The following LHFPL6 variants were observed in gnomAD, a reference collection of about 807,000 sequenced individuals.
LHFPL6 encodes LHFPL tetraspan subfamily member 6 protein.
A neutral mutation model predicts 20.6 loss-of-function variants in LHFPL6; 9 were observed. The ratio of observed to expected loss-of-function variants is 0.44; its 90% CI spans 0.26 to 0.76. The LOEUF is 0.76. Among genes scored for constraint, LHFPL6 ranks in the 30% least tolerant of loss-of-function variants. The pLI, the probability that LHFPL6 is intolerant of heterozygous loss-of-function variation, is 0.20. For missense variants in LHFPL6, 218 were observed against 253.5 expected (o/e 0.86, Z 0.95); for synonymous variants, 105 against 98.7 (o/e 1.06, Z -0.38).
chr13:39,514,510 C>A (rs1295479329), intron 2 of LHFPL6, among the ~76,000 whole-genome samples: 1 of 152,210 alleles, frequency 6.6e-6, no homozygotes, highest in Non-Finnish European at 1.5e-5. Flanking sequence ...TCATTCTGAT[C>A]CAGTCACGAA....
In LHFPL6 at chr13:39,487,093, A is replaced by T. The variant is rs1593332065; in HGVS notation, c.386-108567T>A. On this transcript the variant is annotated intron_variant, in intron 2 of 3. Coordinates refer to ENST00000379589, the MANE Select transcript of LHFPL6 (RefSeq NM_005780.3). ...AATGAAATGTGAGCTGTTTCTCACA[A>T]ACTACACATATAATCTTAAAAATCT... Among the ~76,000 whole-genome samples, 4 of 152,306 alleles carry T rather than the reference A, an allele frequency of 2.6e-5. No individual in the cohort carries two copies. The South Asian group carries it at 8.3e-4, about 32-fold the overall frequency.
intron 2 of LHFPL6, among the ~76,000 whole-genome samples, chr13:39,519,030 G>A (rs1870019546): frequency 6.6e-6 from 1 of 152,228 alleles, no homozygotes; most frequent in Non-Finnish European, 1.5e-5. Flanking sequence ...GAGGTCAGGA[G>A]TTTGAGACCA....
In LHFPL6 at chr13:39,380,207, AT is replaced by A. The variant is rs1365951073; in HGVS notation, c.386-1682del. 1.3e-4 allele frequency among the ~76,000 whole-genome samples: 20 copies of A among 152,370 alleles called. No individual in the cohort carries two copies. The East Asian group carries it at 3.9e-3, about 29-fold the overall frequency. On this transcript the variant is annotated intron_variant, in intron 2 of 3. Coordinates refer to ENST00000379589, the MANE Select transcript of LHFPL6 (RefSeq NM_005780.3). ...CATGTCTGCGATACTCAGTTCTTAA[AT>A]TAATAGGTAGCACCACTTTCTGAGA...
At chr13:39,529,760 G>C (rs185537619) in intron 2 of LHFPL6, among the ~76,000 whole-genome samples, 13 of 152,288 alleles carry the variant, frequency 8.5e-5, no homozygotes, top group Middle Eastern at 3.4e-3. Flanking sequence ...CACTTTTGCT[G>C]TTTCCAATTT....
At chr13:39,406,833 T>A (rs1871123034) in intron 2 of LHFPL6, among the ~76,000 whole-genome samples, 1 of 152,212 alleles carries the variant, frequency 6.6e-6, no homozygotes, top group African/African-American at 2.4e-5. Flanking sequence ...TGAAACAATT[T>A]TGTGGTCATG....
At chr13:39,549,620 C>G (rs367662711) in intron 2 of LHFPL6, among the ~76,000 whole-genome samples, 1 of 152,066 alleles carries the variant, frequency 6.6e-6, no homozygotes, top group East Asian at 1.9e-4. Context: ...TTATAAAGTT[C>G]AGCATACATA....
intron 2 of LHFPL6, among the ~76,000 whole-genome samples, chr13:39,392,101 G>T (rs1266067299): frequency 6.6e-6 from 1 of 151,970 alleles, no homozygotes; most frequent in Non-Finnish European, 1.5e-5. Flanking sequence ...TTTCCACTTT[G>T]ACTTAATTTA....
chr13:39,399,560 C>T (rs753106738), intron 2 of LHFPL6, among the ~76,000 whole-genome samples: 1 of 152,070 alleles, frequency 6.6e-6, no homozygotes, highest in African/African-American at 2.4e-5. Flanking sequence ...ATTGGCAAAT[C>T]AGGACAAGAA....
intron 2 of LHFPL6, among the ~76,000 whole-genome samples, chr13:39,458,014 G>A (rs1872609913): frequency 7.9e-5 from 12 of 152,084 alleles, no homozygotes. Flanking sequence ...TCATCCAGGA[G>A]CTTTTATTAT....
intron 3 of LHFPL6, among the ~76,000 whole-genome samples, chr13:39,352,912 T>TATATATGTGC (rs1566091639): frequency 5.1e-5 from 3 of 58,852 alleles, no homozygotes; most frequent in African/African-American, 1.8e-4. Flanking sequence ...TATATAAATG[T>TATATATGTGC]ATATATATAT....
rs367758145 is a variant in LHFPL6, at chr13:39,527,392, T to C, written c.385+73440A>G. Among the ~76,000 whole-genome samples, 21 of 152,084 alleles carry C rather than the reference T, an allele frequency of 1.4e-4. No individual in the cohort carries two copies. The South Asian group carries it at 1.7e-3, about 12-fold the overall frequency. ...AAGCAAGGTGACCTCTGTGGACCACTAGCACAGTCCTCAGGAGAACAGACA... is the reference window on the plus strand; with the variant it reads ...AAGCAAGGTGACCTCTGTGGACCACCAGCACAGTCCTCAGGAGAACAGACA... On this transcript the variant is annotated intron_variant, in intron 2 of 3. Coordinates refer to ENST00000379589, the MANE Select transcript of LHFPL6 (RefSeq NM_005780.3).
intron 2 of LHFPL6, among the ~76,000 whole-genome samples, chr13:39,506,723 T>TGGG (rs961903739): frequency 3.3e-5 from 5 of 149,474 alleles, no homozygotes; most frequent in African/African-American, 1.2e-4. Context: ...GATAGGGAGG[T>TGGG]GGGGGGGAAG....
At chr13:39,602,661 C>T (rs892601240) in intron 1 of LHFPL6, among the ~76,000 whole-genome samples, 5 of 152,214 alleles carry the variant, frequency 3.3e-5, no homozygotes, top group African/African-American at 1.2e-4. Flanking sequence ...GAGGCATTTT[C>T]CAGCCGGCTC....
intron 2 of LHFPL6, among the ~76,000 whole-genome samples, chr13:39,438,853 T>A (rs1445901057): frequency 6.6e-6 from 1 of 152,162 alleles, no homozygotes; most frequent in East Asian, 1.9e-4. Context: ...CTACCTAGAT[T>A]TCAGAGGATG....
rs982720286 is a variant in LHFPL6 at position 39,589,501 on chromosome 13, G to A, written c.385+11331C>T. ...TGAGCAATGTTGTATCCAACCCGAC[G>A]AACCTCTAAAAATGACCATTTAAAA... On this transcript the variant is annotated intron_variant, in intron 2 of 3. Transcript: ENST00000379589. Among the ~76,000 whole-genome samples the A allele has an allele frequency of 1.8e-4, 28 of 152,016 alleles. 1 individual carries two copies. Among genetic ancestry groups the A allele is most frequent in the African/African-American group, 6.8e-4 (28 of 41,380 alleles).
intron 2 of LHFPL6, among the ~76,000 whole-genome samples, chr13:39,538,359 A>G (rs1357096898): frequency 6.6e-6 from 1 of 151,152 alleles, no homozygotes; most frequent in Non-Finnish European, 1.5e-5. Context: ...TAATAGTGAC[A>G]CAAATCTTCA....
intron 2 of LHFPL6, among the ~76,000 whole-genome samples, chr13:39,554,167 C>T (rs1447019438): frequency 6.6e-6 from 1 of 152,170 alleles, no homozygotes; most frequent in African/African-American, 2.4e-5. Context: ...TCTACTTTGA[C>T]TTCTCCCTCT....
At chr13:39,364,571 G>C (rs1869961994) in intron 3 of LHFPL6, among the ~76,000 whole-genome samples, 1 of 152,156 alleles carries the variant, frequency 6.6e-6, no homozygotes, top group Admixed American at 6.5e-5. Context: ...AGGACGAGTG[G>C]AGCGGCTTCT....
chr13:39,562,922 A>C (rs1307195804), intron 2 of LHFPL6, among the ~76,000 whole-genome samples: 1 of 152,096 alleles, frequency 6.6e-6, no homozygotes, highest in Non-Finnish European at 1.5e-5. Context: ...CCATGCACCA[A>C]GGGGAGAATA....
Sources: gnomAD v4.1 joint callset for allele counts (sites outside exome capture counted in the v4.1 genomes callset) on GRCh38, gnomAD v4.1.1 for gene constraint, MANE v1.5 for transcripts, NCBI Gene and HGNC (gene_info 2026-07-23, HGNC 2026-07-21) for gene names.